RASGEF1C: variants seen among roughly 807,000 people sequenced by gnomAD.
RASGEF1C encodes the protein RasGEF domain family member 1C, also known as ras-GEF domain-containing family member 1C.
RASGEF1C carries 27 observed loss-of-function variants against 58.1 expected under a neutral mutation model. The observed-to-expected ratio is 0.46, with a 90% confidence interval of 0.34 to 0.64. The LOEUF (loss-of-function observed/expected upper bound fraction) is 0.64, where lower values mean the gene tolerates loss of function less well. Among genes scored for constraint, RASGEF1C ranks in the 30% least tolerant of loss-of-function variants. The probability of loss-of-function intolerance (pLI) is 0.01; values close to 1 mark genes in which losing one functional copy is unlikely to be tolerated. For missense variants in RASGEF1C, 502 were observed against 605.1 expected, an observed-to-expected ratio of 0.83 and a Z score of 1.79; for synonymous variants, 243 against 246.3, an observed-to-expected ratio of 0.99 and a Z score of 0.13.
Position 180,118,786 on chromosome 5 carries a change from C to A in RASGEF1C, c.987+1G>T, listed in dbSNP as rs1183704124. 6.2e-7 allele frequency: 1 copy of A among 1,614,222 alleles called. No homozygotes were observed. Among genetic ancestry groups the A allele is most frequent in the East Asian group, 2.2e-5 (1 of 44,874 alleles). On this transcript the variant is annotated splice_donor_variant, in intron 9 of 13. Coordinates refer to ENST00000361132, the MANE Select transcript of RASGEF1C (RefSeq NM_175062.4). LOFTEE classifies it high-confidence loss of function. Reference sequence around the variant, plus strand: ...CCCGGCAGCCCAGCAGCCTCATTTACCTCGAGGATGAAAAACTTGGCCGTC... The same window carrying A: ...CCCGGCAGCCCAGCAGCCTCATTTAACTCGAGGATGAAAAACTTGGCCGTC...
At chr5:180,151,514 T>C (rs1766744747) in intron 1 of RASGEF1C, among the ~76,000 whole-genome samples, 1 of 152,150 alleles carries the variant, frequency 6.6e-6, no homozygotes, top group Non-Finnish European at 1.5e-5. Context: ...TGGCTAGCCA[T>C]ATGTAGAAAG....
At chr5:180,184,036 G>T (rs1467713967) in intron 1 of RASGEF1C, among the ~76,000 whole-genome samples, 2 of 151,644 alleles carry the variant, frequency 1.3e-5, no homozygotes, top group African/African-American at 2.4e-5. Flanking sequence ...GCCGGGTGTG[G>T]TGACGCATGC....
chr5:180,175,198 G>C (rs1354002737), intron 1 of RASGEF1C, among the ~76,000 whole-genome samples: 13 of 152,318 alleles, frequency 8.5e-5, no homozygotes, highest in Middle Eastern at 3.4e-3. Context: ...CTTTGCAGAA[G>C]CCAGCCTGGC....
At chr5:180,122,365 T>A (rs528988838) in intron 6 of RASGEF1C, among the ~76,000 whole-genome samples, 151 of 152,216 alleles carry the variant, frequency 9.9e-4, no homozygotes, top group Non-Finnish European at 1.5e-3. Context: ...GGAAAAAAAA[T>A]TTTTAAATGG....
At chr5:180,163,854 A>G (rs1051001778) in intron 1 of RASGEF1C, among the ~76,000 whole-genome samples, 3 of 152,198 alleles carry the variant, frequency 2.0e-5, no homozygotes. Context: ...CCAGTAAACC[A>G]TCTCTTCCTG....
Position 180,168,045 on chromosome 5 carries a change from A to G in RASGEF1C, c.-6-29987T>C, listed in dbSNP as rs933560709. Reference sequence around the variant, plus strand: ...TTTTGTACTATAGTTGTCAAAGCCTATGATGGGTTAATGCCATGCTCCTGC... The same window carrying G: ...TTTTGTACTATAGTTGTCAAAGCCTGTGATGGGTTAATGCCATGCTCCTGC... On this transcript the variant is annotated intron_variant, in intron 1 of 13. Transcript: ENST00000361132. This position sits in a 1 kb window ranked among gnomAD's most constrained non-coding sequence, Gnocchi z 6.0. 4.6e-5 allele frequency among the ~76,000 whole-genome samples: 7 copies of G among 152,136 alleles called. No homozygotes were observed. Among genetic ancestry groups the G allele is most frequent in the African/African-American group, 9.7e-5 (4 of 41,436 alleles).
chr5:180,165,038 C>G (rs1384327623), intron 1 of RASGEF1C, among the ~76,000 whole-genome samples: 1 of 152,104 alleles, frequency 6.6e-6, no homozygotes, highest in Non-Finnish European at 1.5e-5. Flanking sequence ...TGTGGTAATT[C>G]TCTTTGCTTT....
chr5:180,115,239 C>T (rs766848426), intron 10 of RASGEF1C: 1 of 428,238 alleles, frequency 2.3e-6, no homozygotes, highest in South Asian at 1.7e-5. Context: ...TGGTATTGAA[C>T]TCCTGACCTT....
rs566162858 is a variant in RASGEF1C at position 180,165,885 on chromosome 5, G to C, written c.-6-27827C>G. Among the ~76,000 whole-genome samples, 453 of 150,780 alleles carry C rather than the reference G, an allele frequency of 3.0e-3. 2 individuals are homozygous for C. The highest frequency in any genetic ancestry group is 0.011 in the African/African-American group (435 of 41,148). On this transcript the variant is annotated intron_variant, in intron 1 of 13. Coordinates refer to ENST00000361132, the MANE Select transcript of RASGEF1C (RefSeq NM_175062.4). Reference sequence around the variant, plus strand: ...CTGCCTCAGCCTCCTGAGTAGCTGGGACTACAGGCACCTGCCATGACACCC... The same window carrying C: ...CTGCCTCAGCCTCCTGAGTAGCTGGCACTACAGGCACCTGCCATGACACCC...
chr5:180,127,546 C>G, intron 6 of RASGEF1C, 63 bp downstream of exon 6: 1 of 1,495,378 alleles, frequency 6.7e-7, no homozygotes, highest in Admixed American at 2.2e-5. Flanking sequence ...TCGCGGGCTC[C>G]CCGGAGAGCG....
At chr5:180,126,686 A>G (rs531207144) in intron 6 of RASGEF1C, among the ~76,000 whole-genome samples, 1 of 152,162 alleles carries the variant, frequency 6.6e-6, no homozygotes, top group Non-Finnish European at 1.5e-5. Context: ...TAGACGTTTC[A>G]TAATTTGTAA....
intron 10 of RASGEF1C, among the ~76,000 whole-genome samples, chr5:180,114,747 A>G (rs1766035372): frequency 6.6e-6 from 1 of 152,234 alleles, no homozygotes; most frequent in Admixed American, 6.5e-5. Context: ...ATGGAGGGCA[A>G]TAAGGACCCC....
chr5:180,102,443 T>G (rs983211742), intron 12 of RASGEF1C, among the ~76,000 whole-genome samples: 9 of 152,244 alleles, frequency 5.9e-5, no homozygotes, highest in African/African-American at 2.2e-4. Flanking sequence ...AGTGGCATAT[T>G]TGGAATAAGA....
intron 1 of RASGEF1C, among the ~76,000 whole-genome samples, chr5:180,193,928 G>A (rs1427288901): frequency 2.0e-5 from 3 of 152,184 alleles, no homozygotes; most frequent in Admixed American, 2.0e-4. Flanking sequence ...GATCAAGGAA[G>A]ACCGGCCGGG....
intron 7 of RASGEF1C, among the ~76,000 whole-genome samples, chr5:180,120,506 T>G (rs1686321955): frequency 6.6e-6 from 1 of 151,750 alleles, no homozygotes; most frequent in South Asian, 2.1e-4. Context: ...CAGCTCAAGG[T>G]GAGAGAGTGG....
In RASGEF1C at chr5:180,195,065, G is replaced by C. The variant is rs113045040; in HGVS notation, c.-7+13963C>G. ...GGCGGGGCCCAGTGCCTGCTGCAGA[G>C]AACAGCCTGGAGTTGCAGGGCCTCT... On this transcript the variant is annotated intron_variant, in intron 1 of 13. Coordinates refer to ENST00000361132, the MANE Select transcript of RASGEF1C (RefSeq NM_175062.4). Among the ~76,000 whole-genome samples the C allele has an allele frequency of 6.0e-3, 920 of 152,370 alleles. 13 individuals carry two copies. Among genetic ancestry groups the C allele is most frequent in the South Asian group, 0.022 (106 of 4,832 alleles).
At chr5:180,160,019 A>T (rs1013335200) in intron 1 of RASGEF1C, among the ~76,000 whole-genome samples, 5 of 152,188 alleles carry the variant, frequency 3.3e-5, no homozygotes, top group African/African-American at 1.2e-4. Flanking sequence ...TAGAATCTTG[A>T]TACCAAAAAT....
chr5:180,190,488 TCAA>T (rs1460375477), intron 1 of RASGEF1C, among the ~76,000 whole-genome samples: 248 of 21,996 alleles, frequency 0.011, 6 homozygotes, highest in African/African-American at 0.039. Context: ...AGACTCCGTC[TCAA>T]AAAAAAAAAA....
rs75403804 is a variant in RASGEF1C, at chr5:180,201,213, G to A, written c.-7+7815C>T. Among the ~76,000 whole-genome samples, 990 of 152,300 alleles carry A rather than the reference G, an allele frequency of 6.5e-3. 66 individuals are homozygous for A. In the East Asian group the frequency reaches 0.15, roughly 23 times the overall value. On this transcript the variant is annotated intron_variant, in intron 1 of 13. Transcript: ENST00000361132. ...CTGAAAGGAGACAGCATTCGAGCCC[G>A]GAGGTGGCTGTCTCAGGAAGGCCCT...
Sources: gnomAD v4.1 joint callset for allele counts (sites outside exome capture counted in the v4.1 genomes callset) on GRCh38, gnomAD v4.1.1 for gene constraint, Gnocchi (gnomAD v3.1) non-coding constraint, MANE v1.5 for transcripts, NCBI Gene and HGNC (gene_info 2026-07-23, HGNC 2026-07-21) for gene names.